ITGB7: variants seen among roughly 807,000 people sequenced by gnomAD.
The protein encoded by ITGB7 is integrin beta-7.
ITGB7 carries 55 observed loss-of-function variants against 83.4 expected under a neutral mutation model. That is an observed-to-expected ratio of 0.66 (90% confidence interval 0.53 to 0.83). ITGB7 has a LOEUF of 0.83. Among genes scored for constraint, ITGB7 ranks in the 40% least tolerant of loss-of-function variants. The pLI, the probability that ITGB7 is intolerant of heterozygous loss-of-function variation, is 0.00. For synonymous variants in ITGB7, 454 were observed against 423.6 expected (o/e 1.07, Z -0.88); for missense variants, 921 against 1,046.7 (o/e 0.88, Z 1.66).
Position 53,192,362 on chromosome 12 carries a change from C to A in ITGB7, c.2123G>T (p.Gly708Val). 1 of 1,614,108 alleles carries A rather than the reference C, an allele frequency of 6.2e-7. No individual in the cohort carries two copies. Among genetic ancestry groups the A allele is most frequent in the Non-Finnish European group, 8.5e-7 (1 of 1,180,036 alleles). ...FFFLVEDDAR[G>V]TVVLRVRPQE... ...GGGTCTCACTCTGAGCACGACCGTG[C>A]CTCTGGCGTCATCCTCCACCAAGAA... The change falls in exon 14 of 16, where the codon GGC becomes GTC. Residue 708 changes from glycine to valine, a missense_variant. By Grantham distance (109) the Gly-to-Val change is moderately radical. Transcript: ENST00000267082.
chr12:53,200,072 C>G (rs1942287617), intron 3 of ITGB7, among the ~76,000 whole-genome samples, 171 bp downstream of exon 3: 1 of 152,182 alleles, frequency 6.6e-6, no homozygotes. Flanking sequence ...ACACGTATAT[C>G]CACACACAGG....
chr12:53,193,603 G>A (rs914932574), intron 11 of ITGB7, 105 bp downstream of exon 11: 1 of 1,027,714 alleles, frequency 9.7e-7, no homozygotes. Context: ...GAGTCGGGAT[G>A]TCGAGGAGAC....
At chr12:53,195,281 A>G (rs919333409) in intron 9 of ITGB7, 93 bp downstream of exon 9, 25 of 868,900 alleles carry the variant, frequency 2.9e-5, no homozygotes, top group Middle Eastern at 6.7e-4. Context: ...AAAAGTGACC[A>G]TTTCCTCTTA....
chr12:53,192,853 G>A lies in ITGB7; in HGVS notation c.1784C>T (p.Ala595Val). Residue 595 changes from alanine to valine, a missense_variant, in exon 13 of 16, where the codon GCA becomes GTA. Transcript: ENST00000267082. ...GTCCATGTCCCCACTGCATTCGCAT[G>A]CTCTGCCCGTGCGGTTGGCATGACA... ...CHCHANRTGR[A>V]CECSGDMDSC... 2 of 1,614,212 alleles carry A rather than the reference G, an allele frequency of 1.2e-6. No homozygotes were observed. The highest frequency in any genetic ancestry group is 1.7e-6 in the Non-Finnish European group (2 of 1,180,048).
At chr12:53,192,191 C>T (rs1025965924) in intron 14 of ITGB7, 139 bp downstream of exon 14, 4 of 1,199,358 alleles carry the variant, frequency 3.3e-6, no homozygotes, top group African/African-American at 3.0e-5. Context: ...TCCACTTGCT[C>T]AATTGCCTCT....
intron 8 of ITGB7, 37 bp from the exon 9 acceptor site, chr12:53,195,500 A>G (rs1456882122): frequency 6.3e-7 from 1 of 1,575,114 alleles, no homozygotes; most frequent in Non-Finnish European, 8.7e-7. Flanking sequence ...GGTGGGTCAC[A>G]GCTCTAGGAA....
Position 53,195,715 on chromosome 12 carries a change from G to T in ITGB7, c.982C>A (p.Pro328Thr). The T allele has an allele frequency of 6.2e-7, 1 of 1,613,000 alleles. No individual in the cohort carries two copies. The highest frequency in any genetic ancestry group is 8.5e-7 in the Non-Finnish European group (1 of 1,179,052). Residue 328 changes from proline (P) to threonine (T), a missense_variant, in exon 8 of 16, where the codon CCT (proline) becomes ACT (threonine). Physicochemically the swap from Pro to Thr is conservative, Grantham distance 38. Transcript: ENST00000267082. ...LYSRSTEFDY[P>T]SVGQVAQALS... ...GCCTGGGCTACCTGACCCACAGAAG[G>T]GTAGTCCTGGGACAGGGAGCAGGGA... is the stretch of plus-strand genomic sequence containing the variant.
At chr12:53,192,232 A>T in intron 14 of ITGB7, 98 bp downstream of exon 14, 1 of 1,351,356 alleles carries the variant, frequency 7.4e-7, no homozygotes, top group Non-Finnish European at 1.0e-6. Flanking sequence ...GTTCTGCTTC[A>T]GCCCCCAGCC....
At chr12:53,198,372 C>T (rs893538999) in intron 3 of ITGB7, among the ~76,000 whole-genome samples, 1 of 152,202 alleles carries the variant, frequency 6.6e-6, no homozygotes, top group East Asian at 1.9e-4. Context: ...AGTGCGCCCA[C>T]CTCAGCCTCC....
chr12:53,195,026 A>C, intron 9 of ITGB7: 1 of 250,988 alleles, frequency 4.0e-6, no homozygotes, highest in South Asian at 6.8e-5. Context: ...CATCTGTAAA[A>C]TAGGGATGGT....
intron 1 of ITGB7, chr12:53,206,694 C>T (rs1260061553): frequency 6.6e-6 from 1 of 152,384 alleles, no homozygotes; most frequent in Non-Finnish European, 1.5e-5. Flanking sequence ...AAGCAGAACC[C>T]TCTGCTGCCC....
At chr12:53,206,467 T>A (rs2120551925) in intron 1 of ITGB7, among the ~76,000 whole-genome samples, 1 of 152,284 alleles carries the variant, frequency 6.6e-6, no homozygotes, top group East Asian at 1.9e-4. Context: ...ACTATCTCCA[T>A]CAAAAGTTGT....
rs747613563 is a variant in ITGB7, at chr12:53,192,458, G to A, written c.2027C>T (p.Thr676Ile). ...CSTACAHTNV[T>I]LALAPILDDG... ...ATCCAAGATAGGGGCCAAGGCCAGG[G>A]TCACATTGGTATGGGCACAAGCTGT... Residue 676 changes from threonine (T) to isoleucine (I), a missense_variant, in exon 14 of 16, where the codon ACC (threonine) becomes ATC (isoleucine). By Grantham distance (89) the Thr-to-Ile change is moderately conservative. Transcript: ENST00000267082. The A allele has an allele frequency of 3.7e-6, 6 of 1,614,180 alleles. No individual in the cohort carries two copies. Among genetic ancestry groups the A allele is most frequent in the Non-Finnish European group, 5.1e-6 (6 of 1,180,030 alleles).
rs138276071 is a variant in ITGB7, at chr12:53,200,368, G to A, written c.76C>T (p.Pro26Ser). The change falls in exon 3 of 16, where the codon CCA becomes TCA. Residue 26 changes from proline (P) to serine (S), a missense_variant. Transcript: ENST00000267082. ...CATTCTGTGGCATCCCCTGTGGATG[G>A]GATCTTGGCGTCCAATTCACTCTCA... ...RGESELDAKI[P>S]STGDATEWRN... 6.2e-6 allele frequency: 10 copies of A among 1,614,030 alleles called. No homozygotes were observed. In the Admixed American group the frequency reaches 8.3e-5, roughly 13 times the overall value.
At chr12:53,196,295 C>T (rs71447709) in intron 6 of ITGB7, 96 bp from the exon 7 acceptor site, 2 of 1,428,976 alleles carry the variant, frequency 1.4e-6, no homozygotes, top group South Asian at 2.5e-5. Flanking sequence ...CAGCCTCACT[C>T]TGAGTCAGCT....
chr12:53,195,426 T>A lies in ITGB7; in HGVS notation c.1109A>T (p.Glu370Val), dbSNP rs1371046038. 1.9e-6 allele frequency: 3 copies of A among 1,613,860 alleles called. No homozygotes were observed. Among genetic ancestry groups the A allele is most frequent in the Non-Finnish European group, 1.7e-6 (2 of 1,179,898 alleles). ...CACGTTGCTGGAGTCCTCACTCAGC[T>A]CCCCAACTGCAGACTTAGGAATCAG... ...SKLIPKSAVG[E>V]LSEDSSNVVQ... The change falls in exon 9 of 16, where the codon GAG becomes GTG. Residue 370 changes from glutamate (E) to valine (V), a missense_variant. Coordinates refer to ENST00000267082, the MANE Select transcript of ITGB7 (RefSeq NM_000889.3).
chr12:53,201,964 T>C (rs372729339), intron 1 of ITGB7, among the ~76,000 whole-genome samples: 1 of 152,138 alleles, frequency 6.6e-6, no homozygotes, highest in Non-Finnish European at 1.5e-5. Context: ...TATACATCAG[T>C]GGAATAGAAT....
chr12:53,201,466 C>A (rs1393621020), intron 1 of ITGB7, among the ~76,000 whole-genome samples: 1 of 152,140 alleles, frequency 6.6e-6, no homozygotes, highest in Non-Finnish European at 1.5e-5. Context: ...ACTTTCTGTA[C>A]TTTGCACAAA....
Position 53,193,225 on chromosome 12 carries a change from G to A in ITGB7, c.1641C>T (p.Arg547=). ...CSGKGHCQCG[R]CSCSGQSSGH... is the part of the protein sequence containing the mutation. ...CAGAGCTCTGTCCACTGCAGCTGCA[G>A]CGTCCACATTGACAGTGACCCTTTC... is the stretch of plus-strand genomic sequence containing the variant. The change falls in exon 12 of 16, where the codon CGC becomes CGT. Residue 547 remains arginine (R), a synonymous_variant. Coordinates refer to ENST00000267082, the MANE Select transcript of ITGB7 (RefSeq NM_000889.3). 3 of 1,614,180 alleles carry A rather than the reference G, an allele frequency of 1.9e-6. No homozygotes were observed. The highest frequency in any genetic ancestry group is 1.3e-5 in the African/African-American group (1 of 75,038).
Sources: gnomAD v4.1 joint callset for allele counts (sites outside exome capture counted in the v4.1 genomes callset) on GRCh38, gnomAD v4.1.1 for gene constraint, MANE v1.5 for transcripts, NCBI Gene and HGNC (gene_info 2026-07-23, HGNC 2026-07-21) for gene names.